Variants in OSTM1 observed in about 807,000 individuals in gnomAD.
The protein encoded by OSTM1 is osteopetrosis-associated transmembrane protein 1.
A neutral mutation model predicts 35.4 loss-of-function variants in OSTM1; 26 were observed. The observed-to-expected ratio is 0.73, with a 90% CI of 0.54 to 1.02. The LOEUF is 1.02. OSTM1 is among the 50% of genes least tolerant of loss of function. The pLI is 0.00. For missense variants in OSTM1, 366 were observed against 409.6 expected, an observed-to-expected ratio of 0.89 and a Z score of 0.92; for synonymous variants, 181 against 165.0, an observed-to-expected ratio of 1.10 and a Z score of -0.75.
chr6:108,069,246 T>C (rs1772439382), intron 1 of OSTM1, among the ~76,000 whole-genome samples: 1 of 152,260 alleles, frequency 6.6e-6, no homozygotes, highest in Admixed American at 6.5e-5. Flanking sequence ...ATATCCCTAG[T>C]AGCTACCACA....
At chr6:108,048,597 A>G (rs1466845673) in intron 5 of OSTM1, among the ~76,000 whole-genome samples, 2 of 151,874 alleles carry the variant, frequency 1.3e-5, no homozygotes, top group African/African-American at 4.8e-5. Flanking sequence ...TTCTACCATG[A>G]CTCCGATGGG....
chr6:108,057,115 C>T (rs561269539), intron 2 of OSTM1, among the ~76,000 whole-genome samples: 33 of 152,150 alleles, frequency 2.2e-4, no homozygotes, highest in African/African-American at 3.9e-4. Flanking sequence ...GTGGTCCCAG[C>T]GGCTTGGGAG....
chr6:108,056,079 C>A (rs1772165092), intron 2 of OSTM1, among the ~76,000 whole-genome samples: 1 of 152,208 alleles, frequency 6.6e-6, no homozygotes, highest in African/African-American at 2.4e-5. Flanking sequence ...GGATATGACA[C>A]ACTAAGGGAC....
chr6:108,054,168 C>T lies in OSTM1; in HGVS notation c.615+322G>A, dbSNP rs879710526. On this transcript the variant is annotated intron_variant, in intron 3 of 5. Transcript: ENST00000193322. ...TACACTGCAAAATACCTACGTAAGT[C>T]AGATTGAAAACCATTGTGTTTTAAT... Among the ~76,000 whole-genome samples, 5 of 152,362 alleles carry T rather than the reference C, an allele frequency of 3.3e-5. No individual in the cohort carries two copies. The South Asian group carries it at 8.3e-4, about 25-fold the overall frequency.
In OSTM1 at chr6:108,041,705, T is replaced by C. The variant is rs1011643582; in HGVS notation, c.*3080A>G. Reference sequence around the variant, plus strand: ...ACTATCAAAGAATGACTGTTATAAATAAAGAGCTCTATGATGTTCCACTTA... The same window carrying C: ...ACTATCAAAGAATGACTGTTATAAACAAAGAGCTCTATGATGTTCCACTTA... On this transcript the variant is annotated 3_prime_UTR_variant, in exon 6 of 6. Coordinates refer to ENST00000193322, the MANE Select transcript of OSTM1 (RefSeq NM_014028.4). 6.6e-6 allele frequency: 1 copy of C among 152,172 alleles called. No homozygotes were observed. Among genetic ancestry groups the C allele is most frequent in the East Asian group, 1.9e-4 (1 of 5,198 alleles). 9.4% of individuals were successfully genotyped at this position (152,172 alleles called of 1,614,324 possible).
intron 3 of OSTM1, among the ~76,000 whole-genome samples, chr6:108,052,539 C>T (rs1326309951): frequency 4.2e-5 from 5 of 118,116 alleles, no homozygotes; most frequent in East Asian, 2.4e-4. Flanking sequence ...TTTTGAGACA[C>T]GGTCTTGCTA....
At chr6:108,068,128 C>T (rs1229804918) in intron 1 of OSTM1, among the ~76,000 whole-genome samples, 3 of 152,204 alleles carry the variant, frequency 2.0e-5, no homozygotes, top group Admixed American at 2.0e-4. Flanking sequence ...ACCACCCCTT[C>T]CCTTTTCCTT....
At chr6:108,071,131 T>C (rs1772475501) in intron 1 of OSTM1, among the ~76,000 whole-genome samples, 1 of 150,828 alleles carries the variant, frequency 6.6e-6, no homozygotes, top group Admixed American at 6.6e-5. Flanking sequence ...GAGCTTGCAG[T>C]GAGCTGAGAT....
chr6:108,062,556 ATTG>A (rs1450644054), intron 2 of OSTM1, among the ~76,000 whole-genome samples: 1 of 70,054 alleles, frequency 1.4e-5, no homozygotes, highest in Non-Finnish European at 3.0e-5. Context: ...TTTTTTTGTT[ATTG>A]TTGTTGTAGA....
chr6:108,069,155 T>A (rs1772437140), intron 1 of OSTM1, among the ~76,000 whole-genome samples: 1 of 152,260 alleles, frequency 6.6e-6, no homozygotes, highest in African/African-American at 2.4e-5. Flanking sequence ...GCAACACTTA[T>A]CACACATGAA....
chr6:108,062,919 T>G (rs935088441), intron 2 of OSTM1, among the ~76,000 whole-genome samples: 2 of 152,304 alleles, frequency 1.3e-5, no homozygotes, highest in South Asian at 4.1e-4. Context: ...AAGGTCCTAC[T>G]TTCCCTTGCT....
chr6:108,071,309 T>G (rs541901846), intron 1 of OSTM1, among the ~76,000 whole-genome samples: 71 of 152,024 alleles, frequency 4.7e-4, no homozygotes, highest in East Asian at 1.4e-3. Flanking sequence ...TTTTGTTTTG[T>G]TTTGGTTTTT....
intron 3 of OSTM1, among the ~76,000 whole-genome samples, chr6:108,052,734 C>A (rs1772098770): frequency 6.6e-6 from 1 of 152,028 alleles, no homozygotes; most frequent in Admixed American, 6.6e-5. Context: ...TTTTGACAGA[C>A]CAAGACAAAA....
At position 108,042,412 on chromosome 6, in the gene OSTM1, TTC is replaced by T. The variant is rs1377621990; in HGVS notation, c.*2371_*2372del. 297 of 126,610 alleles carry T rather than the reference TTC, an allele frequency of 2.3e-3. No individual in the cohort carries two copies. Among genetic ancestry groups the T allele is most frequent in the African/African-American group, 8.8e-3 (284 of 32,428 alleles). The allele number at this position is 126,610 out of a possible 1,614,324, so 7.8% of individuals were successfully genotyped here. A position where few individuals can be genotyped will look rare whatever the true frequency, so the allele number is the denominator to read the frequency against. On this transcript the variant is annotated 3_prime_UTR_variant, in exon 6 of 6. Coordinates refer to ENST00000193322, the MANE Select transcript of OSTM1 (RefSeq NM_014028.4). Reference sequence around the variant, plus strand: ...TTTAAGACAGACAGTACTTTCTTTTTTCTTTTTTTTTTTTTTTTTTTGAGACA... The same window carrying T: ...TTTAAGACAGACAGTACTTTCTTTTTTTTTTTTTTTTTTTTTTTTGAGACA...
chr6:108,062,040 T>C (rs185748732), intron 2 of OSTM1, among the ~76,000 whole-genome samples: 12 of 152,222 alleles, frequency 7.9e-5, no homozygotes, highest in Admixed American at 6.5e-4. Context: ...TGTTTTTTTT[T>C]CTAGTATAGT....
intron 2 of OSTM1, among the ~76,000 whole-genome samples, chr6:108,057,461 CAT>C (rs1491042547): frequency 6.6e-6 from 1 of 152,092 alleles, no homozygotes; most frequent in Non-Finnish European, 1.5e-5. Flanking sequence ...TGACAACTGA[CAT>C]AACAATATAG....
intron 1 of OSTM1, among the ~76,000 whole-genome samples, chr6:108,067,489 G>C (rs1772399316): frequency 1.3e-5 from 2 of 151,056 alleles, no homozygotes; most frequent in African/African-American, 4.9e-5. Context: ...GGACAAGGAA[G>C]AAGGGAAGGC....
chr6:108,046,394 T>G (rs930799475), intron 5 of OSTM1, among the ~76,000 whole-genome samples: 6 of 146,932 alleles, frequency 4.1e-5, no homozygotes, highest in African/African-American at 1.5e-4. Context: ...CAGGCTGGAG[T>G]GCAGTGGCGC....
At position 108,044,748 on chromosome 6, in the gene OSTM1, C is replaced by A; in HGVS notation, c.*37G>T. 8.3e-7 allele frequency: 1 copy of A among 1,197,744 alleles called. No individual in the cohort carries two copies. The highest frequency in any genetic ancestry group is 1.2e-6 in the Non-Finnish European group (1 of 810,816). The allele number at this position is 1,197,744 out of a possible 1,614,324, so 74.2% of individuals were successfully genotyped here. On this transcript the variant is annotated 3_prime_UTR_variant, in exon 6 of 6. Coordinates refer to ENST00000193322, the MANE Select transcript of OSTM1 (RefSeq NM_014028.4). ...AAACCAAGTTGTGTCTTCCACCATT[C>A]ATTCACGTGATATGTCAATTCTCCA...
Sources: allele counts gnomAD v4.1 joint callset (sites outside exome capture counted in the v4.1 genomes callset), GRCh38; gene constraint gnomAD v4.1.1; transcripts MANE v1.5; gene names NCBI Gene and HGNC (gene_info 2026-07-23, HGNC 2026-07-21).